TIPRL: variants seen among roughly 807,000 people sequenced by gnomAD.
TIPRL encodes the protein TOR signaling pathway regulator.
In TIPRL, 10 loss-of-function variants were observed where a neutral mutation model predicts 32.3. The observed-to-expected ratio is 0.31, with a 90% CI of 0.19 to 0.52. The LOEUF is 0.52. TIPRL is among the 20% of genes least tolerant of loss of function. The pLI, the probability that TIPRL is intolerant of heterozygous loss-of-function variation, is 0.96. For synonymous variants in TIPRL, 100 were observed against 114.0 expected, an observed-to-expected ratio of 0.88 and a Z score of 0.78; for missense variants, 250 against 328.1, an observed-to-expected ratio of 0.76 and a Z score of 1.84.
chr1:168,184,095 C>T lies in TIPRL; in HGVS notation c.284+14C>T. ...GCAAGAAAGCAGGTGAGAATCCGGTCAATTAGGTTAAACAAAAAAGGTAAT... is the reference window on the plus strand; with the variant it reads ...GCAAGAAAGCAGGTGAGAATCCGGTTAATTAGGTTAAACAAAAAAGGTAAT... On this transcript the variant is annotated intron_variant, in intron 2 of 6. Transcript: ENST00000367833. The T allele has an allele frequency of 6.3e-7, 1 of 1,587,556 alleles. No individual in the cohort carries two copies. Among genetic ancestry groups the T allele is most frequent in the Non-Finnish European group, 8.6e-7 (1 of 1,162,068 alleles).
chr1:168,193,755 T>C (rs925014607), intron 4 of TIPRL, among the ~76,000 whole-genome samples: 24 of 152,312 alleles, frequency 1.6e-4, no homozygotes, highest in African/African-American at 5.8e-4. Context: ...AGCTGAAGTA[T>C]TAGTTCATAG....
Position 168,184,065 on chromosome 1 carries a change from G to A in TIPRL, c.268G>A (p.Glu90Lys), listed in dbSNP as rs1447565734. 2.5e-6 allele frequency: 4 copies of A among 1,609,158 alleles called. No individual in the cohort carries two copies. The highest frequency in any genetic ancestry group is 3.4e-6 in the Non-Finnish European group (4 of 1,176,028). Reference sequence around the variant, plus strand: ...AATGCTTAAAGTGGCCTGTGCTGAAGAGTGGCAAGAAAGCAGGTGAGAATC... The same window carrying A: ...AATGCTTAAAGTGGCCTGTGCTGAAAAGTGGCAAGAAAGCAGGTGAGAATC... ...QGMLKVACAE[E>K]WQESRTEGEH... The change falls in exon 2 of 7, where the codon GAG (glutamate) becomes AAG (lysine). Residue 90 changes from glutamate (E) to lysine (K), a missense_variant. Glu to Lys is a moderately conservative substitution (Grantham distance 56). Transcript: ENST00000367833.
At chr1:168,192,127 C>T (rs373361923) in intron 4 of TIPRL, 33 of 1,334,994 alleles carry the variant, frequency 2.5e-5, no homozygotes, top group Admixed American at 3.2e-5. Flanking sequence ...GATCTGCAGA[C>T]GGCAAGGTGG....
chr1:168,192,387 G>A, intron 4 of TIPRL: 2 of 1,011,872 alleles, frequency 2.0e-6, no homozygotes, highest in Non-Finnish European at 2.4e-6. Context: ...AAAAGAAGTA[G>A]AAAACACACA....
At position 168,199,979 on chromosome 1, in the gene TIPRL, A is replaced by C; in HGVS notation, c.752A>C (p.Lys251Thr). The C allele has an allele frequency of 1.9e-6, 3 of 1,613,748 alleles. No individual in the cohort carries two copies. The highest frequency in any genetic ancestry group is 2.5e-6 in the Non-Finnish European group (3 of 1,179,764). Reference protein sequence around the residue: ...YLPIKEAVCEKLIFPERIDPN... With the variant: ...YLPIKEAVCETLIFPERIDPN... Reference sequence around the variant, plus strand: ...CCAATAAAGGAAGCAGTTTGTGAGAAGCTAATATTTCCAGAAAGAATTGAT... The same window carrying C: ...CCAATAAAGGAAGCAGTTTGTGAGACGCTAATATTTCCAGAAAGAATTGAT... Residue 251 changes from lysine to threonine, a missense_variant, in exon 7 of 7, where the codon AAG becomes ACG. Transcript: ENST00000367833.
chr1:168,183,926 ATC>A lies in TIPRL; in HGVS notation c.134_135del (p.Leu45ProfsTer2). On this transcript the variant is annotated frameshift_variant, in exon 2 of 7. Coordinates refer to ENST00000367833, the MANE Select transcript of TIPRL (RefSeq NM_152902.5). LOFTEE classifies it high-confidence loss of function. Reference sequence around the variant, plus strand: ...GATTAGCCGATGAATTACATATGCCATCTCTCCCTGAAATGATGTTTGGAGAC... The same window carrying A: ...GATTAGCCGATGAATTACATATGCCATCTCCCTGAAATGATGTTTGGAGAC... ...EKLADELHMP[S>X]LPEMMFGDNV... is the part of the protein sequence containing the mutation. 1 of 1,614,012 alleles carries A rather than the reference ATC, an allele frequency of 6.2e-7. No individual in the cohort carries two copies. The highest frequency in any genetic ancestry group is 8.5e-7 in the Non-Finnish European group (1 of 1,179,900).
intron 3 of TIPRL, among the ~76,000 whole-genome samples, chr1:168,190,744 T>C (rs1398139799): frequency 2.0e-5 from 3 of 152,228 alleles, no homozygotes; most frequent in Admixed American, 2.0e-4. Flanking sequence ...GCCTTGGGAC[T>C]GTTGATGCTT....
At chr1:168,196,339 A>G (rs907132234) in intron 4 of TIPRL, among the ~76,000 whole-genome samples, 1 of 152,232 alleles carries the variant, frequency 6.6e-6, no homozygotes, top group Admixed American at 6.5e-5. Context: ...TAGGAAACCG[A>G]AACTATGATG....
chr1:168,196,088 G>C (rs192419797), intron 4 of TIPRL, among the ~76,000 whole-genome samples: 21 of 152,328 alleles, frequency 1.4e-4, no homozygotes, highest in African/African-American at 4.8e-4. Flanking sequence ...ATATGTAATA[G>C]TGCCTACAGG....
intron 1 of TIPRL, among the ~76,000 whole-genome samples, chr1:168,182,075 C>CA (rs34352880): frequency 0.27 from 36,198 of 131,976 alleles, 4,865 homozygotes; most frequent in Admixed American, 0.44. Context: ...CACCCTCCGC[C>CA]AAAAAAAAAA....
intron 4 of TIPRL, among the ~76,000 whole-genome samples, chr1:168,192,872 G>C (rs1207914577): frequency 6.7e-6 from 1 of 149,836 alleles, no homozygotes; most frequent in African/African-American, 2.5e-5. Flanking sequence ...GGCAACAAGC[G>C]AGACTCCGTC....
At chr1:168,185,115 G>T (rs985664911) in intron 3 of TIPRL, among the ~76,000 whole-genome samples, 1 of 152,168 alleles carries the variant, frequency 6.6e-6, no homozygotes, top group Non-Finnish European at 1.5e-5. Flanking sequence ...AACGGCAGAC[G>T]GCCTTGTTGT....
intron 1 of TIPRL, among the ~76,000 whole-genome samples, chr1:168,181,127 C>T (rs952697690): frequency 6.6e-6 from 1 of 151,620 alleles, no homozygotes; most frequent in African/African-American, 2.4e-5. Context: ...AGACTACAGG[C>T]GCGTGCCACC....
chr1:168,199,105 G>A (rs530298977), intron 6 of TIPRL, 124 bp downstream of exon 6: 3 of 656,292 alleles, frequency 4.6e-6, no homozygotes, highest in South Asian at 4.1e-5. Context: ...CACCTAATGG[G>A]GCTCTATAGG....
chr1:168,181,795 T>C (rs1206784625), intron 1 of TIPRL, among the ~76,000 whole-genome samples: 1 of 151,732 alleles, frequency 6.6e-6, no homozygotes, highest in Non-Finnish European at 1.5e-5. Context: ...GTGCGGTGAC[T>C]CACTCCTGTA....
chr1:168,192,098 T>C (rs1210370093), intron 4 of TIPRL: 16 of 1,213,172 alleles, frequency 1.3e-5, no homozygotes, highest in Middle Eastern at 2.1e-4. Flanking sequence ...ACATTTTGGA[T>C]TAAAAATGAT....
In TIPRL at chr1:168,189,269, T is replaced by C. The variant is rs909668568; in HGVS notation, c.385-2100T>C. Among the ~76,000 whole-genome samples, 3 of 152,208 alleles carry C rather than the reference T, an allele frequency of 2.0e-5. No individual in the cohort carries two copies. In the East Asian group the frequency reaches 5.8e-4, roughly 29 times the overall value. On this transcript the variant is annotated intron_variant, in intron 3 of 6. Transcript: ENST00000367833. ...TTGATGCTTTTAGGAAGTTTTTGGGTTTTTTTAGCCAGCTTTTTAAATTGT... is the reference window on the plus strand; with the variant it reads ...TTGATGCTTTTAGGAAGTTTTTGGGCTTTTTTAGCCAGCTTTTTAAATTGT...
intron 1 of TIPRL, among the ~76,000 whole-genome samples, chr1:168,181,287 A>T (rs1400102728): frequency 6.6e-6 from 1 of 150,924 alleles, no homozygotes. Flanking sequence ...ATCTCGGCTC[A>T]CTGTAACCTC....
In TIPRL at chr1:168,200,218, G is replaced by A; in HGVS notation, c.*172G>A. The A allele has an allele frequency of 1.7e-6, 1 of 589,884 alleles. No individual in the cohort carries two copies. Among genetic ancestry groups the A allele is most frequent in the Non-Finnish European group, 2.9e-6 (1 of 350,850 alleles). The allele number at this position is 589,884 out of a possible 1,614,324, so 36.5% of individuals were successfully genotyped here. The stretch of plus-strand genomic sequence containing the variant: ...GGCAGGTTTCACTCAACTGCTGTTT[G>A]TACTGTCTGTCTTCACATTCATATT... On this transcript the variant is annotated 3_prime_UTR_variant, in exon 7 of 7. Coordinates refer to ENST00000367833, the MANE Select transcript of TIPRL (RefSeq NM_152902.5).
Sources: gnomAD v4.1 joint callset for allele counts (sites outside exome capture counted in the v4.1 genomes callset) on GRCh38, gnomAD v4.1.1 for gene constraint, MANE v1.5 for transcripts, NCBI Gene and HGNC (gene_info 2026-07-23, HGNC 2026-07-21) for gene names.